DNER: variants seen among roughly 807,000 people sequenced by gnomAD.
DNER encodes delta/notch like EGF repeat containing.
DNER carries 33 observed loss-of-function variants against 78.2 expected under a neutral mutation model. The observed-to-expected ratio is 0.42, with a 90% CI of 0.32 to 0.56. The LOEUF (loss-of-function observed/expected upper bound fraction) is 0.56. Among genes scored for constraint, DNER ranks in the 20% least tolerant of loss-of-function variants. DNER has a pLI of 0.11. For missense variants in DNER, 918 were observed against 975.3 expected (o/e 0.94, Z 0.78); for synonymous variants, 417 against 384.8 (o/e 1.08, Z -0.98).
At chr2:229,482,601 G>A (rs780446922) in intron 6 of DNER, among the ~76,000 whole-genome samples, 1 of 152,164 alleles carries the variant, frequency 6.6e-6, no homozygotes, top group Admixed American at 6.5e-5. Context: ...TCATGCTGTG[G>A]CCTCAGGACC....
intron 12 of DNER, among the ~76,000 whole-genome samples, chr2:229,360,872 G>T (rs1275377454): frequency 6.6e-6 from 1 of 152,184 alleles, no homozygotes; most frequent in African/African-American, 2.4e-5. Flanking sequence ...ACAAGTATGG[G>T]TCATAAAGTA....
chr2:229,575,536 G>T (rs1036714422), intron 4 of DNER, among the ~76,000 whole-genome samples: 1 of 152,178 alleles, frequency 6.6e-6, no homozygotes, highest in African/African-American at 2.4e-5. Flanking sequence ...GAGCTACCAG[G>T]TCCATTGGGG....
intron 1 of DNER, among the ~76,000 whole-genome samples, chr2:229,687,546 G>A (rs188731471): frequency 7.7e-4 from 117 of 152,156 alleles, no homozygotes; most frequent in Middle Eastern, 3.4e-3. Flanking sequence ...GATTACAGAC[G>A]TGAGCAACCA....
intron 1 of DNER, among the ~76,000 whole-genome samples, chr2:229,697,466 T>C (rs1699679721): frequency 6.6e-6 from 1 of 152,190 alleles, no homozygotes; most frequent in East Asian, 1.9e-4. Flanking sequence ...TTTAAAATGG[T>C]TACTTTCATA....
chr2:229,626,070 C>G (rs1004150157), intron 1 of DNER, among the ~76,000 whole-genome samples: 2 of 152,140 alleles, frequency 1.3e-5, no homozygotes, highest in Admixed American at 6.5e-5. Flanking sequence ...CAGGCACCCA[C>G]AACAGTGCCT....
rs41440944 is a variant in DNER, at chr2:229,477,687, T to C, written c.1148-434A>G. Among the ~76,000 whole-genome samples the C allele has an allele frequency of 5.5e-3, 837 of 152,326 alleles. 9 individuals carry two copies. The highest frequency in any genetic ancestry group is 0.019 in the African/African-American group (772 of 41,574). On this transcript the variant is annotated intron_variant, in intron 6 of 12. Transcript: ENST00000341772. ...ACATAAAAAGCATTAGGAAAATGTC[T>C]AGGTATGAGCAGTTTTAATTTATAA...
chr2:229,373,593 CA>C, intron 11 of DNER, among the ~76,000 whole-genome samples: 1 of 152,166 alleles, frequency 6.6e-6, no homozygotes, highest in East Asian at 1.9e-4. Flanking sequence ...GGTATGTATC[CA>C]AAAGAAAACA....
chr2:229,407,667 A>G (rs147173459), intron 9 of DNER, among the ~76,000 whole-genome samples: 6 of 152,354 alleles, frequency 3.9e-5, no homozygotes, highest in Non-Finnish European at 5.9e-5. Flanking sequence ...CAAATGCTTT[A>G]TAAGTCTCCA....
rs1007551550 is a variant in DNER, at chr2:229,639,118, G to A, written c.277-47230C>T. 2.6e-5 allele frequency among the ~76,000 whole-genome samples: 4 copies of A among 152,188 alleles called. No individual in the cohort carries two copies. In the East Asian group the frequency reaches 5.8e-4, roughly 22 times the overall value. ...AGGTGATACCAACACACATCTCTAT[G>A]ACCATACCATGTGGACTCAAAGAAA... is the stretch of plus-strand genomic sequence containing the variant. On this transcript the variant is annotated intron_variant, in intron 1 of 12. Coordinates refer to ENST00000341772, the MANE Select transcript of DNER (RefSeq NM_139072.4).
intron 4 of DNER, among the ~76,000 whole-genome samples, chr2:229,547,357 C>T (rs143811111): frequency 6.6e-6 from 1 of 152,328 alleles, no homozygotes; most frequent in Non-Finnish European, 1.5e-5. Flanking sequence ...GGCACTTGAG[C>T]AACCACCTCA....
chr2:229,702,084 A>C (rs1420562864), intron 1 of DNER: 1 of 172,714 alleles, frequency 5.8e-6, no homozygotes, highest in Non-Finnish European at 1.3e-5. Context: ...TAACCATGGA[A>C]CCCAGGAAAA....
At chr2:229,498,747 C>CA (rs1307181406) in intron 6 of DNER, among the ~76,000 whole-genome samples, 1 of 151,904 alleles carries the variant, frequency 6.6e-6, no homozygotes, top group African/African-American at 2.4e-5. Flanking sequence ...AAAATTCTGA[C>CA]AAAAAAATTG....
At chr2:229,486,063 A>C (rs1438306095) in intron 6 of DNER, among the ~76,000 whole-genome samples, 2 of 152,190 alleles carry the variant, frequency 1.3e-5, no homozygotes, top group Non-Finnish European at 2.9e-5. Flanking sequence ...AGCAGCTGGT[A>C]TCAGGGCCTC....
At chr2:229,514,398 C>T (rs1354773480) in intron 5 of DNER, among the ~76,000 whole-genome samples, 1 of 152,164 alleles carries the variant, frequency 6.6e-6, no homozygotes, top group Non-Finnish European at 1.5e-5. Context: ...GGCAGCTCTT[C>T]CGGAATAATT....
chr2:229,459,466 C>T lies in DNER; in HGVS notation c.1262-11926G>A, dbSNP rs547202386. 1.1e-4 allele frequency among the ~76,000 whole-genome samples: 16 copies of T among 152,176 alleles called. No individual in the cohort carries two copies. In the South Asian group the frequency reaches 2.7e-3, roughly 26 times the overall value. ...AATTTTATTGAGTTCTTACTACATA[C>T]GGGACATTATGCCGAGCAATTGGTA... On this transcript the variant is annotated intron_variant, in intron 7 of 12. Coordinates refer to ENST00000341772, the MANE Select transcript of DNER (RefSeq NM_139072.4).
chr2:229,656,985 C>CGTGTGCGTGT (rs1553549167), intron 1 of DNER, among the ~76,000 whole-genome samples: 155 of 148,830 alleles, frequency 1.0e-3, no homozygotes, highest in African/African-American at 3.5e-3. Context: ...ACAGTTACCA[C>CGTGTGCGTGT]GTGTGTGTGT....
Position 229,366,855 on chromosome 2 carries a change from G to A in DNER, c.2102+18C>T, listed in dbSNP as rs750171761. ...CACATGTGAAGGCAGCATTCCCCAC[G>A]CCGCCCCCACAGCCAACCTGGCATG... On this transcript the variant is annotated intron_variant, in intron 12 of 12. Transcript: ENST00000341772. 1.1e-5 allele frequency: 17 copies of A among 1,613,288 alleles called. No individual in the cohort carries two copies. The highest frequency in any genetic ancestry group is 8.9e-5 in the East Asian group (4 of 44,884).
At chr2:229,652,876 G>A (rs1485068330) in intron 1 of DNER, among the ~76,000 whole-genome samples, 1 of 152,192 alleles carries the variant, frequency 6.6e-6, no homozygotes, top group East Asian at 1.9e-4. Flanking sequence ...GCTGTGAAAA[G>A]CTGTTCACAT....
At chr2:229,433,131 G>T (rs1445212466) in intron 8 of DNER, among the ~76,000 whole-genome samples, 1 of 152,118 alleles carries the variant, frequency 6.6e-6, no homozygotes, top group Non-Finnish European at 1.5e-5. Flanking sequence ...GGAGAGACAG[G>T]GTTTCACCAT....
Sources: allele counts gnomAD v4.1 joint callset (sites outside exome capture counted in the v4.1 genomes callset), GRCh38; gene constraint gnomAD v4.1.1; transcripts MANE v1.5; gene names NCBI Gene and HGNC (gene_info 2026-07-23, HGNC 2026-07-21).